ITPR2: variants seen among roughly 807,000 people sequenced by gnomAD.
ITPR2 encodes inositol 1,4,5-trisphosphate-gated calcium channel ITPR2.
Under a neutral mutation model 317.1 loss-of-function variants are expected in ITPR2, and 207 were observed. That is an observed-to-expected ratio of 0.65 (90% CI 0.58 to 0.73). The LOEUF (loss-of-function observed/expected upper bound fraction) is 0.73. Among genes scored for constraint, ITPR2 ranks in the 30% least tolerant of loss-of-function variants. The pLI is 0.00. For synonymous variants in ITPR2, 1,156 were observed against 1,149.1 expected (o/e 1.01, Z -0.12); for missense variants, 2,613 against 3,284.0 (o/e 0.80, Z 4.99).
At chr12:26,505,510 T>C (rs1943163327) in intron 37 of ITPR2, among the ~76,000 whole-genome samples, 1 of 152,162 alleles carries the variant, frequency 6.6e-6, no homozygotes. Context: ...AGATCTCAGC[T>C]CAACCATATC....
chr12:26,415,934 G>A (rs1336708897), intron 50 of ITPR2, among the ~76,000 whole-genome samples: 1 of 152,144 alleles, frequency 6.6e-6, no homozygotes, highest in African/African-American at 2.4e-5. Flanking sequence ...AGGTCCTCCT[G>A]AGTGATGAAC....
intron 37 of ITPR2, among the ~76,000 whole-genome samples, chr12:26,516,285 G>GGGAATGGAAA (rs1943504560): frequency 7.0e-5 from 3 of 42,854 alleles, no homozygotes; most frequent in African/African-American, 3.6e-4. Flanking sequence ...GGGAAGGGAA[G>GGGAATGGAAA]GGAAAGGAAA....
At chr12:26,541,165 AAAT>A (rs1330061700) in intron 37 of ITPR2, among the ~76,000 whole-genome samples, 22 of 151,288 alleles carry the variant, frequency 1.5e-4, no homozygotes, top group African/African-American at 4.1e-4. Context: ...AAAAAAAAAA[AAAT>A]TAGCTGGACA....
At chr12:26,434,887 A>T (rs1257923500) in intron 48 of ITPR2, among the ~76,000 whole-genome samples, 1 of 152,222 alleles carries the variant, frequency 6.6e-6, no homozygotes, top group Non-Finnish European at 1.5e-5. Flanking sequence ...CCCAAGAGTT[A>T]TATTCCTCTA....
At position 26,782,071 on chromosome 12, in the gene ITPR2, G is replaced by GCA. The variant is rs1156946057; in HGVS notation, c.163+8085_163+8086insTG. On this transcript the variant is annotated intron_variant, in intron 2 of 56. Coordinates refer to ENST00000381340, the MANE Select transcript of ITPR2 (RefSeq NM_002223.4). ...AGAGAGAGAGAGAGAGAGAGAGAGAGAGCGAGAGAGATCCTATTAGTTCTT... is the reference window on the plus strand; with the variant it reads ...AGAGAGAGAGAGAGAGAGAGAGAGAGCAAGCGAGAGAGATCCTATTAGTTCTT... 1.1e-3 allele frequency among the ~76,000 whole-genome samples: 118 copies of GCA among 105,680 alleles called. 1 individual carries two copies. Among genetic ancestry groups the GCA allele is most frequent in the African/African-American group, 3.2e-3 (99 of 30,868 alleles). 69.3% of individuals were successfully genotyped at this position (105,680 alleles called of 152,430 possible). A position where few individuals can be genotyped will look rare whatever the true frequency, so the allele number is the denominator to read the frequency against.
chr12:26,370,925 G>A (rs779341262), intron 55 of ITPR2, among the ~76,000 whole-genome samples: 43 of 152,000 alleles, frequency 2.8e-4, no homozygotes, highest in Admixed American at 2.6e-4. Context: ...CGCCTGCCTC[G>A]GCCTCCCAAA....
chr12:26,377,784 G>A (rs1018614637), intron 55 of ITPR2, among the ~76,000 whole-genome samples: 70 of 152,182 alleles, frequency 4.6e-4, no homozygotes, highest in African/African-American at 1.6e-3. Flanking sequence ...CACATAAAAT[G>A]GGTATAAATA....
chr12:26,349,739 C>A (rs1185784326), intron 55 of ITPR2, among the ~76,000 whole-genome samples: 4 of 152,220 alleles, frequency 2.6e-5, no homozygotes, highest in African/African-American at 7.2e-5. Flanking sequence ...TGCCTGGCCC[C>A]TTTTTCATGG....
chr12:26,602,638 A>G lies in ITPR2; in HGVS notation c.3531T>C (p.Asn1177=). The change falls in exon 27 of 57, where the codon AAT becomes AAC. Residue 1177 remains asparagine (N), a synonymous_variant. Transcript: ENST00000381340. ...KKPQIDSNKS[N]NYRIVKEILI... ...CGACCTCCTTTACAATCCGGTAGTT[A>G]TTGCTCTTGTTGCTGTCAATCTGAG... 3 of 1,610,820 alleles carry G rather than the reference A, an allele frequency of 1.9e-6. No homozygotes were observed. Among genetic ancestry groups the G allele is most frequent in the Non-Finnish European group, 2.5e-6 (3 of 1,177,634 alleles).
At chr12:26,562,424 G>C (rs1944843559) in intron 34 of ITPR2, among the ~76,000 whole-genome samples, 1 of 152,078 alleles carries the variant, frequency 6.6e-6, no homozygotes. Flanking sequence ...CATTGGAAGA[G>C]GGCACTCTTC....
chr12:26,340,361 A>G lies in ITPR2; in HGVS notation c.7858-33T>C, dbSNP rs764559678. ...CAAATAAATGTGTGCGAACAAGGGAATAAGTATGGAAGGGGAGAATGTCTA... is the reference window on the plus strand; with the variant it reads ...CAAATAAATGTGTGCGAACAAGGGAGTAAGTATGGAAGGGGAGAATGTCTA... On this transcript the variant is annotated intron_variant, in intron 55 of 56. Coordinates refer to ENST00000381340, the MANE Select transcript of ITPR2 (RefSeq NM_002223.4). 1.1e-5 allele frequency: 17 copies of G among 1,559,354 alleles called. No individual in the cohort carries two copies. The African/African-American group carries it at 1.6e-4, about 15-fold the overall frequency.
chr12:26,797,156 C>T (rs1950460656), intron 1 of ITPR2, among the ~76,000 whole-genome samples: 1 of 151,936 alleles, frequency 6.6e-6, no homozygotes, highest in African/African-American at 2.4e-5. Context: ...TAAAGTTGAG[C>T]TTTAAAAAAA....
At chr12:26,508,726 C>T (rs1038165809) in intron 37 of ITPR2, among the ~76,000 whole-genome samples, 3 of 152,092 alleles carry the variant, frequency 2.0e-5, no homozygotes, top group Admixed American at 6.5e-5. Flanking sequence ...TCTGGGGACA[C>T]GGAAAAAGCT....
intron 37 of ITPR2, among the ~76,000 whole-genome samples, chr12:26,511,795 A>T (rs1002131683): frequency 2.0e-5 from 3 of 152,204 alleles, no homozygotes; most frequent in African/African-American, 7.2e-5. Context: ...CAACGCATAG[A>T]CAGCTGGAGG....
chr12:26,593,260 T>C (rs1945752586), intron 32 of ITPR2, among the ~76,000 whole-genome samples: 1 of 152,230 alleles, frequency 6.6e-6, no homozygotes, highest in South Asian at 2.1e-4. Context: ...AAATTAGAAA[T>C]TCTGGGGACA....
At chr12:26,508,855 C>T (rs1398439522) in intron 37 of ITPR2, among the ~76,000 whole-genome samples, 5 of 152,094 alleles carry the variant, frequency 3.3e-5, no homozygotes, top group East Asian at 1.9e-4. Flanking sequence ...AAAAATTAAA[C>T]GTAGAGTTAC....
intron 9 of ITPR2, among the ~76,000 whole-genome samples, chr12:26,697,566 T>C (rs1056809770): frequency 2.6e-5 from 4 of 152,176 alleles, no homozygotes; most frequent in Admixed American, 2.6e-4. Flanking sequence ...CCCAGCACTT[T>C]GGGAGGCCAA....
chr12:26,444,631 T>A (rs1941565327), intron 45 of ITPR2, among the ~76,000 whole-genome samples: 1 of 152,170 alleles, frequency 6.6e-6, no homozygotes, highest in Non-Finnish European at 1.5e-5. Flanking sequence ...TTGTTTGTGA[T>A]AACATAGCTA....
intron 54 of ITPR2, among the ~76,000 whole-genome samples, chr12:26,393,650 T>C (rs1181018028): frequency 6.6e-6 from 1 of 152,268 alleles, no homozygotes; most frequent in Admixed American, 6.5e-5. Context: ...AAATACTATT[T>C]AAATTTACAC....
Sources: allele counts gnomAD v4.1 joint callset (sites outside exome capture counted in the v4.1 genomes callset), GRCh38; gene constraint gnomAD v4.1.1; transcripts MANE v1.5; gene names NCBI Gene and HGNC (gene_info 2026-07-23, HGNC 2026-07-21).